Variants in SKAP1 observed in about 807,000 individuals in gnomAD.
SKAP1 encodes the protein src kinase-associated phosphoprotein 1.
A neutral mutation model predicts 58.5 loss-of-function variants in SKAP1; 44 were observed. The observed-to-expected ratio is 0.75, with a 90% CI of 0.59 to 0.97. The LOEUF (loss-of-function observed/expected upper bound fraction) is 0.97. SKAP1 is among the 50% of genes least tolerant of loss of function. The pLI, the probability that SKAP1 is intolerant of heterozygous loss-of-function variation, is 0.00. For missense variants in SKAP1, 390 were observed against 435.2 expected (o/e 0.90, Z 0.92); for synonymous variants, 127 against 149.7 (o/e 0.85, Z 1.11).
the SKAP1 span, among the ~76,000 whole-genome samples, chr17:48,443,860 C>G: frequency 1.3e-5 from 2 of 151,784 alleles, no homozygotes; most frequent in African/African-American, 4.8e-5. Context: ...CTCAAGTATA[C>G]CATTCACTTG....
At chr17:48,142,669 A>C (rs977242639) in intron 11 of SKAP1, among the ~76,000 whole-genome samples, 4 of 152,212 alleles carry the variant, frequency 2.6e-5, no homozygotes, top group African/African-American at 2.4e-5. Context: ...CTCCTTATAC[A>C]ACAATAAGAG....
intron 1 of SKAP1, among the ~76,000 whole-genome samples, chr17:48,418,179 A>G (rs2067754784): frequency 6.6e-6 from 1 of 152,166 alleles, no homozygotes; most frequent in Non-Finnish European, 1.5e-5. Context: ...TGTCCCAACT[A>G]TTCAGGAGGC....
rs1490464597 is a variant in SKAP1 at position 48,236,412 on chromosome 17, T to G, written c.281-46912A>C. 7.2e-5 allele frequency among the ~76,000 whole-genome samples: 11 copies of G among 152,356 alleles called. No homozygotes were observed. The East Asian group carries it at 1.9e-3, about 27-fold the overall frequency. ...ATATTACATTACTATTATTGGAATA[T>G]ACACTATGTAGAGGTTTATATACCA... On this transcript the variant is annotated intron_variant, in intron 4 of 12. Transcript: ENST00000336915.
At chr17:48,293,578 C>T (rs2065925448) in intron 4 of SKAP1, among the ~76,000 whole-genome samples, 1 of 152,194 alleles carries the variant, frequency 6.6e-6, no homozygotes, top group Non-Finnish European at 1.5e-5. Context: ...ACATCATATC[C>T]TGGTACATAC....
chr17:48,255,403 C>A (rs1598476457), intron 4 of SKAP1, among the ~76,000 whole-genome samples: 1 of 149,746 alleles, frequency 6.7e-6, no homozygotes, highest in African/African-American at 2.4e-5. Flanking sequence ...CTTTCTGCAC[C>A]AGTACTAACT....
At chr17:48,156,574 A>G in intron 11 of SKAP1, 1 of 425,226 alleles carries the variant, frequency 2.4e-6, no homozygotes, top group Middle Eastern at 3.7e-4. Context: ...AAAGGAACAC[A>G]GGAACATCCG....
chr17:48,138,708 G>T (rs1023359435), intron 11 of SKAP1, among the ~76,000 whole-genome samples: 5 of 151,714 alleles, frequency 3.3e-5, no homozygotes, highest in Admixed American at 2.0e-4. Context: ...TAGAGATGGG[G>T]TTTCATCATG....
At chr17:48,313,533 A>G (rs1555614431) in intron 4 of SKAP1, among the ~76,000 whole-genome samples, 1 of 152,182 alleles carries the variant, frequency 6.6e-6, no homozygotes, top group Non-Finnish European at 1.5e-5. Context: ...CTGCTTGGCA[A>G]CAGACCTTCC....
the SKAP1 span, among the ~76,000 whole-genome samples, chr17:48,439,336 T>C: frequency 6.6e-6 from 1 of 152,248 alleles, no homozygotes; most frequent in Non-Finnish European, 1.5e-5. Context: ...AATGACAAAT[T>C]GTAAGATGCA....
chr17:48,404,755 A>G (rs2067548388), intron 1 of SKAP1, among the ~76,000 whole-genome samples: 1 of 152,116 alleles, frequency 6.6e-6, no homozygotes, highest in Non-Finnish European at 1.5e-5. Flanking sequence ...TAAGATGACA[A>G]TAGTGAAAAG....
chr17:48,179,539 T>C (rs2064339263), intron 9 of SKAP1, among the ~76,000 whole-genome samples: 1 of 152,238 alleles, frequency 6.6e-6, no homozygotes, highest in Admixed American at 6.5e-5. Context: ...ATTTGATTCA[T>C]GGTATATCTG....
At chr17:48,187,702 G>A in intron 6 of SKAP1, 141 bp downstream of exon 6, 1 of 581,308 alleles carries the variant, frequency 1.7e-6, no homozygotes, top group South Asian at 2.2e-5. Context: ...GGTATTATTT[G>A]TCCATGCCAA....
At chr17:48,360,891 G>A (rs2066927290) in intron 3 of SKAP1, among the ~76,000 whole-genome samples, 1 of 151,952 alleles carries the variant, frequency 6.6e-6, no homozygotes, top group Non-Finnish European at 1.5e-5. Flanking sequence ...TAAGCTCGAT[G>A]CTTACACACA....
At chr17:48,375,515 T>A (rs1258957253) in intron 2 of SKAP1, among the ~76,000 whole-genome samples, 4 of 152,104 alleles carry the variant, frequency 2.6e-5, no homozygotes, top group Non-Finnish European at 5.9e-5. Flanking sequence ...GATCAGTGAG[T>A]GATTAAGCTT....
intron 1 of SKAP1, among the ~76,000 whole-genome samples, chr17:48,427,639 C>T (rs553193367): frequency 6.7e-6 from 1 of 149,880 alleles, no homozygotes; most frequent in South Asian, 2.1e-4. Flanking sequence ...AAAGCACACA[C>T]ATTATGTCAA....
intron 2 of SKAP1, among the ~76,000 whole-genome samples, chr17:48,373,198 T>G (rs1382391454): frequency 1.3e-5 from 2 of 152,120 alleles, no homozygotes; most frequent in Admixed American, 6.5e-5. Flanking sequence ...TGGTGGAAGG[T>G]GAAAGGGAAG....
the SKAP1 span, among the ~76,000 whole-genome samples, chr17:48,440,003 C>A: frequency 3.3e-5 from 5 of 152,196 alleles, no homozygotes; most frequent in Non-Finnish European, 7.3e-5. Context: ...CTTCCCCTTC[C>A]TCTTATCTCT....
chr17:48,170,755 G>A (rs1442663895), intron 9 of SKAP1, 96 bp from the exon 10 acceptor site: 1 of 1,101,190 alleles, frequency 9.1e-7, no homozygotes, highest in African/African-American at 1.6e-5. Flanking sequence ...TGTTGTCTAG[G>A]CTGAAGTGCA....
intron 3 of SKAP1, among the ~76,000 whole-genome samples, chr17:48,362,956 T>C (rs552870329): frequency 1.3e-5 from 2 of 152,274 alleles, no homozygotes; most frequent in East Asian, 3.9e-4. Flanking sequence ...TCTGTGATTA[T>C]CTGAGAAAAT....
Sources: allele counts gnomAD v4.1 joint callset (sites outside exome capture counted in the v4.1 genomes callset), GRCh38; gene constraint gnomAD v4.1.1; transcripts MANE v1.5; gene names NCBI Gene and HGNC (gene_info 2026-07-23, HGNC 2026-07-21).